The following UTS2 variants were observed in gnomAD, a reference collection of about 807,000 sequenced individuals.
UTS2 encodes urotensin 2, also known as urotensin-2.
In UTS2, 10 loss-of-function variants were observed where a neutral mutation model predicts 12.6. The observed-to-expected ratio is 0.80, with a 90% confidence interval of 0.49 to 1.35. The LOEUF (loss-of-function observed/expected upper bound fraction) is 1.35, where lower values mean the gene tolerates loss of function less well. UTS2 is among the 40% of genes most tolerant of loss of function. The probability of loss-of-function intolerance (pLI) is 0.00; values close to 1 mark genes in which losing one functional copy is unlikely to be tolerated. For synonymous variants in UTS2, 52 were observed against 50.0 expected (o/e 1.04, Z -0.17); for missense variants, 142 against 143.2 (o/e 0.99, Z 0.04).
the UTS2 span, among the ~76,000 whole-genome samples, chr1:7,862,596 G>A: frequency 5.9e-5 from 9 of 152,226 alleles, no homozygotes; most frequent in African/African-American, 2.2e-4. Flanking sequence ...AGAAGGCAAG[G>A]GGGAGCTGGT....
At chr1:7,869,760 G>T in the UTS2 span, among the ~76,000 whole-genome samples, 2 of 152,210 alleles carry the variant, frequency 1.3e-5, no homozygotes, top group African/African-American at 2.4e-5. Flanking sequence ...ATAAATATCT[G>T]CTCCGCTTAT....
At chr1:7,890,692 G>C in the UTS2 span, among the ~76,000 whole-genome samples, 1 of 133,712 alleles carries the variant, frequency 7.5e-6, no homozygotes, top group Non-Finnish European at 1.5e-5. Flanking sequence ...TGGAGTTGGA[G>C]ATCAGCCTGG....
chr1:7,880,385 A>G, the UTS2 span, among the ~76,000 whole-genome samples: 5 of 146,466 alleles, frequency 3.4e-5, no homozygotes, highest in Non-Finnish European at 7.5e-5. Context: ...TAAAATCAAT[A>G]AAACTGCTAG....
At chr1:7,873,023 A>G in the UTS2 span, among the ~76,000 whole-genome samples, 1 of 152,232 alleles carries the variant, frequency 6.6e-6, no homozygotes, top group Non-Finnish European at 1.5e-5. Context: ...ATTATGCTAA[A>G]TCTACTCTCC....
the UTS2 span, among the ~76,000 whole-genome samples, chr1:7,880,979 C>A: frequency 6.6e-6 from 1 of 152,164 alleles, no homozygotes; most frequent in African/African-American, 2.4e-5. Context: ...CCCAGGGATT[C>A]CGCAAAGATG....
the UTS2 span, among the ~76,000 whole-genome samples, chr1:7,900,634 C>G: frequency 2.6e-5 from 4 of 151,904 alleles, no homozygotes; most frequent in Non-Finnish European, 5.9e-5. Context: ...AAAAATTAGC[C>G]AGGCACAGTG....
chr1:7,848,705 A>G (rs979734083), intron 3 of UTS2, among the ~76,000 whole-genome samples: 24 of 152,014 alleles, frequency 1.6e-4, no homozygotes, highest in Non-Finnish European at 2.9e-4. Context: ...TTTTTTGTAG[A>G]GACGGGGTTT....
At chr1:7,884,302 ATTTT>A in the UTS2 span, among the ~76,000 whole-genome samples, 1 of 140,136 alleles carries the variant, frequency 7.1e-6, no homozygotes, top group Non-Finnish European at 1.5e-5. Context: ...ATAACATCTG[ATTTT>A]TTTTTTTTTT....
At chr1:7,858,137 G>A (rs1258168689), upstream of UTS2, among the ~76,000 whole-genome samples, 2 of 152,200 alleles carry the variant, frequency 1.3e-5, no homozygotes, top group Admixed American at 6.5e-5. Context: ...TGGTTTTACA[G>A]CATGGCCTAA....
the UTS2 span, among the ~76,000 whole-genome samples, chr1:7,864,599 A>G: frequency 6.6e-6 from 1 of 152,204 alleles, no homozygotes; most frequent in Non-Finnish European, 1.5e-5. Context: ...TGCGTGCCCA[A>G]CAGACTTTGT....
At chr1:7,890,844 CAAAA>C in the UTS2 span, among the ~76,000 whole-genome samples, 2 of 112,240 alleles carry the variant, frequency 1.8e-5, no homozygotes, top group Non-Finnish European at 1.8e-5. Context: ...AAGACTGTCT[CAAAA>C]AAAAAAAAAA....
the UTS2 span, among the ~76,000 whole-genome samples, chr1:7,869,617 T>G: frequency 6.6e-6 from 1 of 152,228 alleles, no homozygotes; most frequent in African/African-American, 2.4e-5. Flanking sequence ...ATCACCATCC[T>G]GGTGACCTAG....
chr1:7,860,287 A>C, the UTS2 span, among the ~76,000 whole-genome samples: 1 of 152,084 alleles, frequency 6.6e-6, no homozygotes, highest in Non-Finnish European at 1.5e-5. Context: ...GGAAACGTGG[A>C]GAGAGCCTCA....
the UTS2 span, among the ~76,000 whole-genome samples, chr1:7,866,254 G>A: frequency 6.6e-6 from 1 of 152,226 alleles, no homozygotes; most frequent in African/African-American, 2.4e-5. This position sits in a 1 kb window ranked among gnomAD's most constrained non-coding sequence, Gnocchi z 4.5. Flanking sequence ...CCTCCTCGCA[G>A]CTGAAAGTAG....
At chr1:7,890,972 C>T in the UTS2 span, among the ~76,000 whole-genome samples, 1 of 151,316 alleles carries the variant, frequency 6.6e-6, no homozygotes, top group South Asian at 2.1e-4. Context: ...CCTCCACCCC[C>T]CCCCACAAAA....
Position 7,850,878 on chromosome 1 carries a change from C to T in UTS2, c.148G>A (p.Ala50Thr), listed in dbSNP as rs2097413339. The change falls in exon 2 of 4, where the codon GCT becomes ACT. Residue 50 changes from alanine to threonine, a missense_variant. By Grantham distance (58) the Ala-to-Thr change is moderately conservative. Transcript: ENST00000361696. ...TCTGGCAGTATCTGTAGAAGGGAAG[C>T]TCTTTCTAGCTCCTCCGGAGTTAAG... ...ARLTPEELERASLLQILPEML... is the reference protein window; with the variant it reads ...ARLTPEELERTSLLQILPEML... 1 of 1,614,026 alleles carries T rather than the reference C, an allele frequency of 6.2e-7. No individual in the cohort carries two copies. Among genetic ancestry groups the T allele is most frequent in the African/African-American group, 1.3e-5 (1 of 74,944 alleles).
chr1:7,906,481 A>AAGAAAG, the UTS2 span, among the ~76,000 whole-genome samples: 1 of 149,962 alleles, frequency 6.7e-6, no homozygotes, highest in African/African-American at 2.5e-5. Context: ...GAAAGAAAGA[A>AAGAAAG]AGAAAGAAAG....
chr1:7,911,361 G>A, the UTS2 span, among the ~76,000 whole-genome samples: 1 of 151,858 alleles, frequency 6.6e-6, no homozygotes, highest in Non-Finnish European at 1.5e-5. Context: ...TATTAAATGA[G>A]AATCCAAGAA....
the UTS2 span, among the ~76,000 whole-genome samples, chr1:7,909,556 A>G: frequency 1.3e-5 from 2 of 151,924 alleles, no homozygotes; most frequent in Non-Finnish European, 2.9e-5. Flanking sequence ...CAAAAAAAAA[A>G]AAAAAAGAAA....
Sources: allele counts gnomAD v4.1 joint callset (sites outside exome capture counted in the v4.1 genomes callset), GRCh38; gene constraint gnomAD v4.1.1; non-coding constraint Gnocchi (gnomAD v3.1); transcripts MANE v1.5; gene names NCBI Gene and HGNC (gene_info 2026-07-23, HGNC 2026-07-21).